The following AFG2A variants were observed in gnomAD, a reference collection of about 807,000 sequenced individuals.
The protein encoded by AFG2A is ATPase family gene 2 protein homolog A.
chr4:123,163,400 C>T, the AFG2A span, among the ~76,000 whole-genome samples: 13 of 152,270 alleles, frequency 8.5e-5, no homozygotes, highest in South Asian at 2.1e-4. Flanking sequence ...TGAGATTGCA[C>T]GGCTGCATTC....
the AFG2A span, among the ~76,000 whole-genome samples, chr4:123,122,855 T>C: frequency 2.6e-5 from 4 of 151,936 alleles, no homozygotes; most frequent in South Asian, 8.3e-4. Flanking sequence ...TCCACATGTG[T>C]TTATCCTACT....
At chr4:122,930,021 C>T in the AFG2A span, among the ~76,000 whole-genome samples, 1 of 152,154 alleles carries the variant, frequency 6.6e-6, no homozygotes, top group Admixed American at 6.5e-5. Context: ...GTAATCAGGG[C>T]TTCTTATTTT....
At chr4:123,280,712 C>T in the AFG2A span, among the ~76,000 whole-genome samples, 2 of 152,270 alleles carry the variant, frequency 1.3e-5, no homozygotes, top group African/African-American at 4.8e-5. Flanking sequence ...CTTCTGATTA[C>T]GTTTGACCTA....
chr4:123,124,546 G>A, the AFG2A span, among the ~76,000 whole-genome samples: 1 of 111,990 alleles, frequency 8.9e-6, no homozygotes, highest in Non-Finnish European at 2.4e-5. Flanking sequence ...TAAATGACGA[G>A]TTAATGGGTA....
chr4:123,186,334 C>T, the AFG2A span, among the ~76,000 whole-genome samples: 1 of 152,108 alleles, frequency 6.6e-6, no homozygotes, highest in African/African-American at 2.4e-5. Context: ...AGAATCCCAG[C>T]AATGGAAAGT....
At chr4:123,181,209 C>T in the AFG2A span, among the ~76,000 whole-genome samples, 1 of 152,062 alleles carries the variant, frequency 6.6e-6, no homozygotes, top group Non-Finnish European at 1.5e-5. Flanking sequence ...TGGTCTCGAT[C>T]TCCTGACCTC....
the AFG2A span, among the ~76,000 whole-genome samples, chr4:123,008,860 T>A: frequency 1.3e-5 from 2 of 152,352 alleles, no homozygotes; most frequent in African/African-American, 4.8e-5. Flanking sequence ...AGGTTTGGTA[T>A]AAAGTTTTCT....
chr4:123,252,846 G>A, the AFG2A span, among the ~76,000 whole-genome samples: 1 of 152,066 alleles, frequency 6.6e-6, no homozygotes, highest in Non-Finnish European at 1.5e-5. Context: ...GATTAGATTG[G>A]ACTTTGTAAA....
chr4:123,177,404 G>A, the AFG2A span, among the ~76,000 whole-genome samples: 1 of 152,002 alleles, frequency 6.6e-6, no homozygotes, highest in Non-Finnish European at 1.5e-5. Context: ...TGTTGGCTGG[G>A]ATGGTCTCAA....
chr4:123,276,108 G>A, the AFG2A span, among the ~76,000 whole-genome samples: 1 of 152,148 alleles, frequency 6.6e-6, no homozygotes, highest in African/African-American at 2.4e-5. Context: ...CACCAGTAGT[G>A]TATAATCATT....
the AFG2A span, among the ~76,000 whole-genome samples, chr4:123,224,031 TAGG>T: frequency 6.6e-5 from 10 of 152,192 alleles, no homozygotes. Flanking sequence ...ATGATTTCTG[TAGG>T]AGTTTTACAG....
chr4:123,156,188 A>G, the AFG2A span, among the ~76,000 whole-genome samples: 2 of 152,194 alleles, frequency 1.3e-5, no homozygotes, highest in Non-Finnish European at 2.9e-5. Flanking sequence ...TTTAGTTTGC[A>G]AGTTTATCTC....
At chr4:123,030,316 A>G in the AFG2A span, among the ~76,000 whole-genome samples, 1 of 152,178 alleles carries the variant, frequency 6.6e-6, no homozygotes, top group Non-Finnish European at 1.5e-5. Context: ...TGCTTTCTGG[A>G]CTATCCTAGA....
the AFG2A span, among the ~76,000 whole-genome samples, chr4:123,025,487 C>G: frequency 6.6e-6 from 1 of 152,120 alleles, no homozygotes; most frequent in Non-Finnish European, 1.5e-5. Flanking sequence ...CAGAACCTGT[C>G]TGAATATGAC....
At chr4:122,957,295 C>T in the AFG2A span, among the ~76,000 whole-genome samples, 3 of 152,142 alleles carry the variant, frequency 2.0e-5, no homozygotes, top group Non-Finnish European at 2.9e-5. Flanking sequence ...AGAAACAGTG[C>T]TATAAAGCAG....
At chr4:123,046,988 A>G in the AFG2A span, among the ~76,000 whole-genome samples, 2 of 152,134 alleles carry the variant, frequency 1.3e-5, no homozygotes, top group Non-Finnish European at 2.9e-5. Context: ...TTTAATGGCT[A>G]AATAATAATT....
the AFG2A span, chr4:122,934,016 A>G: frequency 7.2e-7 from 1 of 1,396,886 alleles, no homozygotes; most frequent in Non-Finnish European, 9.6e-7. Context: ...TTCAGATAAT[A>G]GATGAAATAT....
At chr4:123,219,994 C>T in the AFG2A span, among the ~76,000 whole-genome samples, 9 of 152,032 alleles carry the variant, frequency 5.9e-5, no homozygotes, top group Non-Finnish European at 8.8e-5. Context: ...CTCAGCCTCC[C>T]GAGTAGCTGA....
the AFG2A span, among the ~76,000 whole-genome samples, chr4:122,994,549 T>C: frequency 2.0e-5 from 3 of 152,310 alleles, no homozygotes; most frequent in East Asian, 1.9e-4. Flanking sequence ...TTTCATTTTA[T>C]GTAGCATTTT....
Sources: gnomAD v4.1 joint callset for allele counts (sites outside exome capture counted in the v4.1 genomes callset) on GRCh38, gnomAD v4.1.1 for gene constraint, MANE v1.5 for transcripts, NCBI Gene and HGNC (gene_info 2026-07-23, HGNC 2026-07-21) for gene names.